Variants in ZNF141 observed in about 807,000 individuals in gnomAD.
ZNF141 encodes zinc finger protein 141 (clone pHZ-44).
Under a neutral mutation model 11.3 loss-of-function variants are expected in ZNF141, and 7 were observed. That is an observed-to-expected ratio of 0.62 (90% CI 0.35 to 1.16). The LOEUF (loss-of-function observed/expected upper bound fraction) is 1.16. Among genes scored for constraint, ZNF141 ranks in the 50% most tolerant of loss-of-function variants. The pLI is 0.02. For missense variants in ZNF141, 535 were observed against 554.0 expected, an observed-to-expected ratio of 0.97 and a Z score of 0.34; for synonymous variants, 183 against 190.7, an observed-to-expected ratio of 0.96 and a Z score of 0.33.
rs1271326023 is a variant in ZNF141 at position 376,517 on chromosome 4, GTATAAT to G, written c.*2663_*2668del. 3.3e-5 allele frequency among the ~76,000 whole-genome samples: 5 copies of G among 151,910 alleles called. No homozygotes were observed. The highest frequency in any genetic ancestry group is 5.9e-5 in the Non-Finnish European group (4 of 67,902). ...CAATTATGATTGTAGTATTATATCA[GTATAAT>G]TATAATTCATACATTTATGCATCCT... On this transcript the variant is annotated 3_prime_UTR_variant, in exon 4 of 4. Transcript: ENST00000240499.
intron 3 of ZNF141, among the ~76,000 whole-genome samples, chr4:356,983 C>T (rs1721872192): frequency 6.6e-6 from 1 of 151,916 alleles, no homozygotes; most frequent in African/African-American, 2.4e-5. Flanking sequence ...CAGATAGGGT[C>T]TTACTTTGTT....
intron 3 of ZNF141, among the ~76,000 whole-genome samples, chr4:364,838 G>T (rs566708779): frequency 8.6e-5 from 13 of 152,010 alleles, no homozygotes; most frequent in African/African-American, 2.4e-4. Flanking sequence ...CAAACACCAT[G>T]CTGGGAGAAC....
intron 3 of ZNF141, among the ~76,000 whole-genome samples, chr4:370,591 A>G (rs1445331444): frequency 6.6e-6 from 1 of 152,206 alleles, no homozygotes; most frequent in African/African-American, 2.4e-5. Context: ...TTGTTATCTT[A>G]TAAGAGCATA....
intron 3 of ZNF141, among the ~76,000 whole-genome samples, chr4:357,707 CT>C (rs572493320): frequency 0.041 from 5,457 of 132,470 alleles, 128 homozygotes; most frequent in African/African-American, 0.12. Context: ...TTTCTTTTTT[CT>C]TTTTTTTTTT....
At position 378,777 on chromosome 4, in the gene ZNF141, T is replaced by C. The variant is rs1553855029; in HGVS notation, c.*4915T>C. Among the ~76,000 whole-genome samples the C allele has an allele frequency of 6.6e-6, 1 of 151,666 alleles. No individual in the cohort carries two copies. Among genetic ancestry groups the C allele is most frequent in the African/African-American group, 2.4e-5 (1 of 41,296 alleles). On this transcript the variant is annotated 3_prime_UTR_variant, in exon 4 of 4. Coordinates refer to ENST00000240499, the MANE Select transcript of ZNF141 (RefSeq NM_003441.4). ...ACTTTATCCAAGTCCTTGGTCACCTTCTCTGGAAAAAAATTTGAAGATTAT... is the reference window on the plus strand; with the variant it reads ...ACTTTATCCAAGTCCTTGGTCACCTCCTCTGGAAAAAAATTTGAAGATTAT...
chr4:358,074 AT>A (rs202032541), intron 3 of ZNF141: 185 of 253,552 alleles, frequency 7.3e-4, no homozygotes, highest in East Asian at 1.9e-3. Flanking sequence ...AAGTTTGCTT[AT>A]TTTTTTTTCC....
rs1175987900 is a variant in ZNF141 at position 379,388 on chromosome 4, A to G, written c.*5526A>G. On this transcript the variant is annotated 3_prime_UTR_variant, in exon 4 of 4. Transcript: ENST00000240499. ...CTATGATTATTTTCTTCTTTATTTT[A>G]TTTTTGAGACGGAGTCTCGCTCTGT... Among the ~76,000 whole-genome samples the G allele has an allele frequency of 6.6e-6, 1 of 151,266 alleles. No individual in the cohort carries two copies. The highest frequency in any genetic ancestry group is 6.6e-5 in the Admixed American group (1 of 15,202).
intron 3 of ZNF141, among the ~76,000 whole-genome samples, chr4:371,461 A>C (rs1553853580): frequency 6.6e-6 from 1 of 150,970 alleles, no homozygotes; most frequent in African/African-American, 2.4e-5. Context: ...CAATCTCTTG[A>C]CCTCGTGATC....
At chr4:370,389 A>ATT (rs1202109191) in intron 3 of ZNF141, among the ~76,000 whole-genome samples, 1 of 150,836 alleles carries the variant, frequency 6.6e-6, no homozygotes, top group East Asian at 1.9e-4. Context: ...ATAGTTCAGC[A>ATT]TTTTTTTTTA....
rs1223454623 is a variant in ZNF141 at position 373,082 on chromosome 4, T to C, written c.645T>C (p.Asn215=). Residue 215 remains asparagine, a synonymous_variant, in exon 4 of 4, where the codon AAT becomes AAC. Transcript: ENST00000240499. ...GKAFKWSLIF[N]EHKRIHTGEK... The stretch of plus-strand genomic sequence containing the variant: ...CCTTTAAATGGTCTTTAATATTTAA[T>C]GAACATAAGAGAATTCATACTGGAG... The C allele has an allele frequency of 6.2e-7, 1 of 1,613,630 alleles. No individual in the cohort carries two copies. The highest frequency in any genetic ancestry group is 1.3e-5 in the African/African-American group (1 of 74,808).
chr4:362,317 A>G (rs1401133241), intron 3 of ZNF141, among the ~76,000 whole-genome samples: 1 of 152,160 alleles, frequency 6.6e-6, no homozygotes, highest in Non-Finnish European at 1.5e-5. Flanking sequence ...ATTTTCTCCC[A>G]TTCTGTAGGT....
At chr4:349,534 G>A (rs1721492560) in intron 3 of ZNF141, among the ~76,000 whole-genome samples, 3 of 152,142 alleles carry the variant, frequency 2.0e-5, no homozygotes, top group African/African-American at 7.2e-5. Flanking sequence ...AGGCCTGCAA[G>A]TCTTGTCCCC....
chr4:350,053 C>T (rs763777051), intron 3 of ZNF141: 10 of 487,170 alleles, frequency 2.1e-5, no homozygotes, highest in South Asian at 3.1e-5. Context: ...CCTCCAGGGC[C>T]ATGGCTGGGT....
Position 342,360 on chromosome 4 carries a change from C to A in ZNF141, c.4-1422C>A, listed in dbSNP as rs541790345. On this transcript the variant is annotated intron_variant, in intron 1 of 3. Transcript: ENST00000240499. ...ACCTTATAGGGTCTGCAGAGAATGC[C>A]ATGTTTGAAGATGATGATTGGTGGT... Among the ~76,000 whole-genome samples, 61 of 152,248 alleles carry A rather than the reference C, an allele frequency of 4.0e-4. 2 individuals are homozygous for A. The South Asian group carries it at 0.012, about 30-fold the overall frequency.
intron 1 of ZNF141, 29 bp downstream of exon 1, chr4:338,015 G>T: frequency 6.2e-7 from 1 of 1,612,808 alleles, no homozygotes; most frequent in Non-Finnish European, 8.5e-7. Flanking sequence ...GCGTCCCAAG[G>T]CTGAGGAGGT....
intron 3 of ZNF141, chr4:358,183 C>CTTT (rs575102486): frequency 1.7e-3 from 508 of 301,398 alleles, no homozygotes; most frequent in South Asian, 3.5e-3. Flanking sequence ...GTTTCTCGTT[C>CTTT]TTTTTTTTTT....
rs782484012 is a variant in ZNF141 at position 373,097 on chromosome 4, T to C, written c.660T>C (p.Ile220=). 6.2e-7 allele frequency: 1 copy of C among 1,613,684 alleles called. No individual in the cohort carries two copies. Among genetic ancestry groups the C allele is most frequent in the Non-Finnish European group, 8.5e-7 (1 of 1,179,950 alleles). ...TAATATTTAATGAACATAAGAGAAT[T>C]CATACTGGAGAGAAACCTTTTACTT... ...WSLIFNEHKR[I]HTGEKPFTCE... Residue 220 remains isoleucine, a synonymous_variant, in exon 4 of 4, where the codon ATT becomes ATC. Transcript: ENST00000240499.
chr4:370,714 A>G (rs1712012670), intron 3 of ZNF141, among the ~76,000 whole-genome samples: 1 of 151,808 alleles, frequency 6.6e-6, no homozygotes, highest in African/African-American at 2.4e-5. Flanking sequence ...TGTATATCCT[A>G]GTTGAAGTTT....
chr4:352,071 C>T (rs1174241378), intron 3 of ZNF141, among the ~76,000 whole-genome samples: 12 of 152,030 alleles, frequency 7.9e-5, no homozygotes, highest in African/African-American at 2.4e-4. Context: ...ATTTTTCATA[C>T]AGAGGAGCAA....
Sources: allele counts gnomAD v4.1 joint callset (sites outside exome capture counted in the v4.1 genomes callset), GRCh38; gene constraint gnomAD v4.1.1; transcripts MANE v1.5; gene names NCBI Gene and HGNC (gene_info 2026-07-23, HGNC 2026-07-21).